Variants in CPE observed in about 807,000 individuals in gnomAD.
CPE encodes carboxypeptidase E.
A neutral mutation model predicts 53.5 loss-of-function variants in CPE; 17 were observed. The observed-to-expected ratio is 0.32, with a 90% CI of 0.22 to 0.48. The LOEUF (loss-of-function observed/expected upper bound fraction) is 0.48, where lower values mean the gene tolerates loss of function less well. Ranked by LOEUF, CPE falls within the 20% of genes least tolerant of loss-of-function variation. CPE has a pLI of 0.99. For synonymous variants in CPE, 226 were observed against 228.8 expected, an observed-to-expected ratio of 0.99 and a Z score of 0.11; for missense variants, 524 against 614.7, an observed-to-expected ratio of 0.85 and a Z score of 1.56.
At chr4:165,459,909 T>G (rs1731969974) in intron 1 of CPE, among the ~76,000 whole-genome samples, 1 of 82,476 alleles carries the variant, frequency 1.2e-5, no homozygotes, top group East Asian at 3.5e-4. Flanking sequence ...AGTGAGACTC[T>G]GTCTCAAAAA....
intron 1 of CPE, among the ~76,000 whole-genome samples, chr4:165,429,009 CTCTT>C (rs1731365992): frequency 6.6e-6 from 1 of 152,304 alleles, no homozygotes; most frequent in East Asian, 1.9e-4. Context: ...CTAATCTTTA[CTCTT>C]TCTGTTAATC....
chr4:165,420,339 A>T (rs1731187759), intron 1 of CPE, among the ~76,000 whole-genome samples: 1 of 152,136 alleles, frequency 6.6e-6, no homozygotes, highest in Admixed American at 6.6e-5. Context: ...TATACTTCTC[A>T]TTGTAGTCAT....
intron 1 of CPE, chr4:165,386,436 A>G (rs949977482): frequency 7.6e-6 from 3 of 392,688 alleles, no homozygotes; most frequent in East Asian, 9.8e-5. Flanking sequence ...GCAAAAATGC[A>G]TATCATAAAA....
At chr4:165,437,705 ACAGT>A (rs1171882208) in intron 1 of CPE, among the ~76,000 whole-genome samples, 4 of 152,184 alleles carry the variant, frequency 2.6e-5, no homozygotes, top group Non-Finnish European at 5.9e-5. Flanking sequence ...GGGAGGAAAG[ACAGT>A]CAGCCAATCT....
chr4:165,483,394 T>A (rs549884323), intron 4 of CPE, among the ~76,000 whole-genome samples: 1 of 152,240 alleles, frequency 6.6e-6, no homozygotes, highest in South Asian at 2.1e-4. Context: ...CAACCATTGA[T>A]GGACAATTAG....
chr4:165,493,290 G>A lies in CPE; in HGVS notation c.1213+20G>A. 6.6e-7 allele frequency: 1 copy of A among 1,525,190 alleles called. No homozygotes were observed. Among genetic ancestry groups the A allele is most frequent in the Non-Finnish European group, 9.1e-7 (1 of 1,099,566 alleles). 94.5% of individuals were successfully genotyped at this position (1,525,190 alleles called of 1,614,324 possible). A position where few individuals can be genotyped will look rare whatever the true frequency, so the allele number is the denominator to read the frequency against. Reference sequence around the variant, plus strand: ...CATCCGGTGGGTCTTTGCCACAATTGGAGGCTCTACGTTATGTACAAGAGC... The same window carrying A: ...CATCCGGTGGGTCTTTGCCACAATTAGAGGCTCTACGTTATGTACAAGAGC... On this transcript the variant is annotated intron_variant, in intron 7 of 8. Coordinates refer to ENST00000402744, the MANE Select transcript of CPE (RefSeq NM_001873.4).
At chr4:165,409,620 T>C (rs536549002) in intron 1 of CPE, among the ~76,000 whole-genome samples, 174 of 152,330 alleles carry the variant, frequency 1.1e-3, no homozygotes, top group African/African-American at 3.9e-3. Context: ...AATCTTTCAG[T>C]GTACAAATGA....
At position 165,387,380 on chromosome 4, in the gene CPE, G is replaced by T. The variant is rs57556998; in HGVS notation, c.307+7852G>T. ...GAAATCTCTTTACTATCAAATCATT[G>T]CTAAACATCATAGTTCTATAATAAT... On this transcript the variant is annotated intron_variant, in intron 1 of 8. Transcript: ENST00000402744. 9.2e-3 allele frequency among the ~76,000 whole-genome samples: 1,394 copies of T among 152,206 alleles called. 18 individuals are homozygous for T. Among genetic ancestry groups the T allele is most frequent in the African/African-American group, 0.032 (1,308 of 41,516 alleles).
intron 1 of CPE, among the ~76,000 whole-genome samples, chr4:165,402,387 G>A (rs147402087): frequency 1.4e-4 from 22 of 152,138 alleles, no homozygotes; most frequent in African/African-American, 4.8e-4. Context: ...GATTCTGGCC[G>A]GTTACATGAC....
rs937156027 is a variant in CPE at position 165,379,939 on chromosome 4, G to A, written c.307+411G>A. On this transcript the variant is annotated intron_variant, in intron 1 of 8. Coordinates refer to ENST00000402744, the MANE Select transcript of CPE (RefSeq NM_001873.4). The surrounding 1 kb of genome is among the most constrained non-coding windows in gnomAD (Gnocchi z 6.0). ...GGAATGATTGCGAGTCCCCCGCAAG[G>A]GGGGTTGGTCTTCCTTGCTGACAAG... Among the ~76,000 whole-genome samples the A allele has an allele frequency of 3.9e-5, 6 of 152,258 alleles. No individual in the cohort carries two copies. The highest frequency in any genetic ancestry group is 1.4e-4 in the African/African-American group (6 of 41,472).
intron 3 of CPE, among the ~76,000 whole-genome samples, chr4:165,480,398 A>T (rs1732384636): frequency 6.6e-6 from 1 of 152,240 alleles, no homozygotes; most frequent in African/African-American, 2.4e-5. Context: ...GAAAGTACAG[A>T]TTTGGACAAA....
At chr4:165,433,796 C>G (rs182349864) in intron 1 of CPE, among the ~76,000 whole-genome samples, 1 of 152,318 alleles carries the variant, frequency 6.6e-6, no homozygotes, top group East Asian at 1.9e-4. Context: ...GATATCCTGT[C>G]AGGCCCCTGC....
chr4:165,455,777 C>G (rs889619074), intron 1 of CPE, among the ~76,000 whole-genome samples: 2 of 151,852 alleles, frequency 1.3e-5, no homozygotes, highest in Admixed American at 1.3e-4. Context: ...CTCAGCCTCT[C>G]GAGTAGCTGG....
At chr4:165,431,444 A>G (rs1731407566) in intron 1 of CPE, among the ~76,000 whole-genome samples, 1 of 152,174 alleles carries the variant, frequency 6.6e-6, no homozygotes, top group African/African-American at 2.4e-5. Flanking sequence ...TTAGGGCACA[A>G]ACTATGTTTA....
chr4:165,444,060 T>C (rs1029468778), intron 1 of CPE, among the ~76,000 whole-genome samples: 9 of 152,150 alleles, frequency 5.9e-5, no homozygotes, highest in Non-Finnish European at 1.3e-4. Context: ...CTCTTATTTA[T>C]CAGTTACGCA....
chr4:165,447,091 A>G (rs974894622), intron 1 of CPE, among the ~76,000 whole-genome samples: 6 of 152,212 alleles, frequency 3.9e-5, no homozygotes, highest in African/African-American at 1.4e-4. Context: ...AAAAGGTACA[A>G]TAAAAATACA....
At chr4:165,486,600 G>A (rs1273338099) in intron 5 of CPE, among the ~76,000 whole-genome samples, 1 of 152,074 alleles carries the variant, frequency 6.6e-6, no homozygotes, top group African/African-American at 2.4e-5. Flanking sequence ...TGCCCACAGG[G>A]AAATTCTGGG....
chr4:165,456,020 G>T (rs985364102), intron 1 of CPE, among the ~76,000 whole-genome samples: 1 of 151,924 alleles, frequency 6.6e-6, no homozygotes. Context: ...GTAATAATAA[G>T]GTGTTTTGTG....
At chr4:165,440,553 G>A (rs2126684933) in intron 1 of CPE, among the ~76,000 whole-genome samples, 1 of 151,200 alleles carries the variant, frequency 6.6e-6, no homozygotes, top group African/African-American at 2.4e-5. Context: ...TGCACACCAT[G>A]GAAATAAACA....
Sources: allele counts gnomAD v4.1 joint callset (sites outside exome capture counted in the v4.1 genomes callset), GRCh38; gene constraint gnomAD v4.1.1; non-coding constraint Gnocchi (gnomAD v3.1); transcripts MANE v1.5; gene names NCBI Gene and HGNC (gene_info 2026-07-23, HGNC 2026-07-21).